The following TMEM71 variants were observed in gnomAD, a reference collection of about 807,000 sequenced individuals.
TMEM71 encodes transmembrane protein 71.
In TMEM71, 44 loss-of-function variants were observed where a neutral mutation model predicts 38.0. The ratio of observed to expected loss-of-function variants is 1.16; its 90% CI spans 0.91 to 1.49. The LOEUF is 1.49. TMEM71 is among the 40% of genes most tolerant of loss of function. TMEM71 has a pLI of 0.00. For missense variants in TMEM71, 367 were observed against 348.6 expected (o/e 1.05, Z -0.42); for synonymous variants, 133 against 122.5 (o/e 1.09, Z -0.56).
the TMEM71 span, among the ~76,000 whole-genome samples, chr8:132,766,576 G>A: frequency 6.6e-6 from 1 of 152,070 alleles, no homozygotes; most frequent in Non-Finnish European, 1.5e-5. Context: ...GAGGTAGGCG[G>A]ATCACTTAAG....
chr8:132,719,743 G>T (rs1826737174), intron 7 of TMEM71, among the ~76,000 whole-genome samples: 1 of 152,132 alleles, frequency 6.6e-6, no homozygotes, highest in African/African-American at 2.4e-5. Flanking sequence ...AGGACAGAGG[G>T]TTCTCATGTG....
At chr8:132,713,839 A>T (rs1404599621) in intron 9 of TMEM71, among the ~76,000 whole-genome samples, 156 bp downstream of exon 9, 1 of 152,236 alleles carries the variant, frequency 6.6e-6, no homozygotes, top group Non-Finnish European at 1.5e-5. Flanking sequence ...GGATGATAAT[A>T]CTATTAAATT....
In TMEM71 at chr8:132,757,245, G is replaced by A. The variant is rs769995387; in HGVS notation, c.90C>T (p.Cys30=). ...REYAGELSPT[C]IFPSFTCDSL... ...GCCCCATAGTATACCTTGGGAAAAT[G>A]CACGTGGGAGACAGCTCTCCAGCAT... The change falls in exon 3 of 10, where the codon TGC becomes TGT. Residue 30 remains cysteine (C), a synonymous_variant. Coordinates refer to ENST00000677595, the MANE Select transcript of TMEM71 (RefSeq NM_001382403.1). 1 of 1,610,044 alleles carries A rather than the reference G, an allele frequency of 6.2e-7. No individual in the cohort carries two copies. Among genetic ancestry groups the A allele is most frequent in the East Asian group, 2.2e-5 (1 of 44,736 alleles).
the TMEM71 span, among the ~76,000 whole-genome samples, chr8:132,766,043 C>G: frequency 1.3e-5 from 2 of 152,084 alleles, no homozygotes; most frequent in African/African-American, 4.8e-5. Context: ...CTCAGCCTCC[C>G]AAAATGCTGG....
At chr8:132,768,789 C>T in the TMEM71 span, among the ~76,000 whole-genome samples, 14 of 152,356 alleles carry the variant, frequency 9.2e-5, no homozygotes, top group African/African-American at 3.4e-4. Context: ...CCCTCTCCCT[C>T]CTGCAGAAGG....
At chr8:132,762,119 A>G (rs371567651), upstream of TMEM71, among the ~76,000 whole-genome samples, 9 of 152,246 alleles carry the variant, frequency 5.9e-5, no homozygotes, top group African/African-American at 2.2e-4. Context: ...CACATAGCAG[A>G]TGCATAGTCC....
the TMEM71 span, among the ~76,000 whole-genome samples, chr8:132,766,125 G>A: frequency 6.6e-6 from 1 of 152,132 alleles, no homozygotes; most frequent in African/African-American, 2.4e-5. Context: ...CAAGTTGGCT[G>A]TAGCTTTGCT....
intron 4 of TMEM71, among the ~76,000 whole-genome samples, chr8:132,747,381 C>T (rs1828449683): frequency 1.3e-5 from 2 of 152,120 alleles, no homozygotes; most frequent in South Asian, 4.1e-4. Flanking sequence ...TAATGCTTTC[C>T]TAGAGTTTAT....
chr8:132,724,911 G>T (rs1168899804), intron 6 of TMEM71, among the ~76,000 whole-genome samples: 1 of 152,028 alleles, frequency 6.6e-6, no homozygotes, highest in African/African-American at 2.4e-5. Flanking sequence ...CTCAATTACT[G>T]GCCTCTTGTC....
chr8:132,734,545 G>A lies in TMEM71; in HGVS notation c.488-6559C>T, dbSNP rs144748511. On this transcript the variant is annotated intron_variant, in intron 5 of 9. Coordinates refer to ENST00000677595, the MANE Select transcript of TMEM71 (RefSeq NM_001382403.1). The stretch of plus-strand genomic sequence containing the variant: ...GTTGAATATAAAGCTTTGCTGCTGA[G>A]AGTTGGATGAAATAAAAAATATGTA... Among the ~76,000 whole-genome samples the A allele has an allele frequency of 4.1e-4, 62 of 152,246 alleles. 2 individuals carry two copies. The East Asian group carries it at 0.012, about 28-fold the overall frequency.
chr8:132,775,551 C>T, the TMEM71 span: 1 of 367,280 alleles, frequency 2.7e-6, no homozygotes. Flanking sequence ...GCTGCCTGGG[C>T]GGAGGCAGAG....
chr8:132,733,121 A>G (rs1180831718), intron 5 of TMEM71, among the ~76,000 whole-genome samples: 1 of 152,206 alleles, frequency 6.6e-6, no homozygotes, highest in Non-Finnish European at 1.5e-5. Flanking sequence ...TATCATTGTT[A>G]CAGAAATACA....
intron 6 of TMEM71, among the ~76,000 whole-genome samples, chr8:132,725,778 G>A (rs1827111339): frequency 6.6e-6 from 1 of 152,224 alleles, no homozygotes; most frequent in Admixed American, 6.5e-5. Context: ...GAAGGGGGTA[G>A]AGAAGGTGCA....
chr8:132,766,574 C>T, the TMEM71 span, among the ~76,000 whole-genome samples: 8 of 152,012 alleles, frequency 5.3e-5, no homozygotes, highest in African/African-American at 1.9e-4. Flanking sequence ...CCGAGGTAGG[C>T]GGATCACTTA....
Position 132,740,979 on chromosome 8 carries a change from A to T in TMEM71, c.487+5963T>A, listed in dbSNP as rs539871707. On this transcript the variant is annotated intron_variant, in intron 5 of 9. Coordinates refer to ENST00000677595, the MANE Select transcript of TMEM71 (RefSeq NM_001382403.1). ...ACAACGCCACATTTATGCCTTAAAA[A>T]GGTTAGCCTCACAGCAGTTTGGAAG... 7.9e-5 allele frequency among the ~76,000 whole-genome samples: 12 copies of T among 152,330 alleles called. No individual in the cohort carries two copies. The East Asian group carries it at 2.1e-3, about 27-fold the overall frequency.
intron 5 of TMEM71, among the ~76,000 whole-genome samples, chr8:132,744,103 C>A (rs915447738): frequency 6.6e-6 from 1 of 151,812 alleles, no homozygotes; most frequent in Non-Finnish European, 1.5e-5. Context: ...ACAGTCCCTG[C>A]TCCAGTAAAC....
At chr8:132,766,463 T>G in the TMEM71 span, among the ~76,000 whole-genome samples, 1 of 151,968 alleles carries the variant, frequency 6.6e-6, no homozygotes, top group Non-Finnish European at 1.5e-5. Context: ...GCCCTCCACA[T>G]TGGTCACAAA....
At chr8:132,751,727 T>C in intron 4 of TMEM71, 58 bp downstream of exon 4, 2 of 1,486,636 alleles carry the variant, frequency 1.3e-6, no homozygotes, top group South Asian at 1.1e-5. Context: ...AATGAATGAA[T>C]AAACAATTAA....
At chr8:132,755,418 A>G (rs2247045) in intron 3 of TMEM71, among the ~76,000 whole-genome samples, 103,148 of 152,010 alleles carry the variant, frequency 0.68, 35,877 homozygotes, top group South Asian at 0.78. Flanking sequence ...CGTTTTTAGC[A>G]GGTCCTTTCC....
Sources: allele counts gnomAD v4.1 joint callset (sites outside exome capture counted in the v4.1 genomes callset), GRCh38; gene constraint gnomAD v4.1.1; transcripts MANE v1.5; gene names NCBI Gene and HGNC (gene_info 2026-07-23, HGNC 2026-07-21).